Variants in SGMS1 observed in about 807,000 individuals in gnomAD.
The protein encoded by SGMS1 is sphingomyelin synthase 1, also known as phosphatidylcholine:ceramide cholinephosphotransferase 1.
In SGMS1, 13 loss-of-function variants were observed where a neutral mutation model predicts 46.2. The ratio of observed to expected loss-of-function variants is 0.28; its 90% confidence interval spans 0.18 to 0.45. The LOEUF (loss-of-function observed/expected upper bound fraction) is 0.45. Ranked by LOEUF, SGMS1 falls within the 20% of genes least tolerant of loss-of-function variation. SGMS1 has a pLI of 1.00. For synonymous variants in SGMS1, 203 were observed against 187.8 expected, an observed-to-expected ratio of 1.08 and a Z score of -0.66; for missense variants, 324 against 519.9, an observed-to-expected ratio of 0.62 and a Z score of 3.66.
At chr10:50,528,142 A>T (rs919624022) in intron 2 of SGMS1, among the ~76,000 whole-genome samples, 1 of 152,250 alleles carries the variant, frequency 6.6e-6, no homozygotes, top group Non-Finnish European at 1.5e-5. Context: ...AAAAGTATGC[A>T]ACTTACAGGA....
intron 2 of SGMS1, among the ~76,000 whole-genome samples, chr10:50,542,223 T>C (rs111687030): frequency 5.6e-4 from 86 of 152,268 alleles, no homozygotes; most frequent in Admixed American, 2.5e-3. Flanking sequence ...ATAAAATACA[T>C]GGAAACAAAA....
chr10:50,601,166 A>C (rs924031824), intron 1 of SGMS1, among the ~76,000 whole-genome samples: 36 of 152,172 alleles, frequency 2.4e-4, no homozygotes, highest in Non-Finnish European at 1.8e-4. Context: ...CTCGAGAATG[A>C]GCTAATAAAA....
intron 5 of SGMS1, among the ~76,000 whole-genome samples, chr10:50,440,173 C>T (rs1280080892): frequency 6.6e-6 from 1 of 151,804 alleles, no homozygotes; most frequent in African/African-American, 2.4e-5. Flanking sequence ...ATATTGCCCC[C>T]AAGGTAGCAA....
intron 6 of SGMS1, among the ~76,000 whole-genome samples, chr10:50,390,023 A>T (rs1426050566): frequency 6.6e-6 from 1 of 152,160 alleles, no homozygotes; most frequent in Non-Finnish European, 1.5e-5. Context: ...CATAATACCC[A>T]TTACTCCTGA....
chr10:50,341,839 G>C (rs997771953), intron 7 of SGMS1, among the ~76,000 whole-genome samples: 8 of 152,178 alleles, frequency 5.3e-5, no homozygotes, highest in Admixed American at 6.5e-5. Flanking sequence ...AAAATTTCCT[G>C]TTGGGAAAAT....
intron 6 of SGMS1, among the ~76,000 whole-genome samples, chr10:50,424,215 C>T (rs145969896): frequency 1.7e-4 from 26 of 152,284 alleles, no homozygotes; most frequent in African/African-American, 6.0e-4. Context: ...ATACCTAAAA[C>T]GTGAAGGAAC....
At chr10:50,531,743 A>G (rs775389076) in intron 2 of SGMS1, among the ~76,000 whole-genome samples, 1 of 152,152 alleles carries the variant, frequency 6.6e-6, no homozygotes. Flanking sequence ...CACTGCCTGA[A>G]TGTGTGCTTG....
intron 3 of SGMS1, among the ~76,000 whole-genome samples, chr10:50,495,238 CA>C (rs35409405): frequency 4.9e-3 from 369 of 75,888 alleles, no homozygotes; most frequent in African/African-American, 0.014. Flanking sequence ...GATTCCGTCT[CA>C]AAAAAAAAAA....
chr10:50,576,577 A>G (rs1003788308), intron 2 of SGMS1, among the ~76,000 whole-genome samples: 1 of 152,218 alleles, frequency 6.6e-6, no homozygotes, highest in Non-Finnish European at 1.5e-5. Flanking sequence ...AATTTTTCCC[A>G]TAGAAAAGCT....
chr10:50,433,139 G>A (rs1849426592), intron 6 of SGMS1, among the ~76,000 whole-genome samples: 1 of 152,082 alleles, frequency 6.6e-6, no homozygotes, highest in Non-Finnish European at 1.5e-5. Context: ...GAAACCACTA[G>A]GACCAAAAAT....
At chr10:50,571,532 C>T (rs1177961568) in intron 2 of SGMS1, among the ~76,000 whole-genome samples, 1 of 152,012 alleles carries the variant, frequency 6.6e-6, no homozygotes, top group African/African-American at 2.4e-5. Flanking sequence ...CACATAGTGT[C>T]CAGCACATCA....
intron 2 of SGMS1, among the ~76,000 whole-genome samples, chr10:50,565,601 C>T (rs951975847): frequency 6.6e-6 from 1 of 152,194 alleles, no homozygotes; most frequent in Non-Finnish European, 1.5e-5. Flanking sequence ...AACATATACG[C>T]TCTGAACCCT....
chr10:50,323,250 T>A (rs1309895195), intron 8 of SGMS1, among the ~76,000 whole-genome samples: 1 of 152,140 alleles, frequency 6.6e-6, no homozygotes. Flanking sequence ...TCTTAGGAGC[T>A]GCACATTTTG....
intron 2 of SGMS1, among the ~76,000 whole-genome samples, chr10:50,579,005 CAG>C (rs1423471528): frequency 5.9e-5 from 9 of 151,576 alleles, no homozygotes; most frequent in Admixed American, 3.9e-4. Flanking sequence ...AAGACAGAAA[CAG>C]AGGAAAAAAG....
chr10:50,314,312 C>A (rs900455182), intron 8 of SGMS1, among the ~76,000 whole-genome samples: 6 of 152,046 alleles, frequency 3.9e-5, no homozygotes, highest in African/African-American at 9.7e-5. Flanking sequence ...TGGGGGGAAG[C>A]AGTGGCTGTC....
intron 1 of SGMS1, among the ~76,000 whole-genome samples, chr10:50,601,191 C>G (rs1183511328): frequency 6.6e-6 from 1 of 152,122 alleles, no homozygotes. Flanking sequence ...GTAAAATGAA[C>G]TTGCTTGGTG....
intron 3 of SGMS1, among the ~76,000 whole-genome samples, chr10:50,478,574 A>G (rs1837449008): frequency 1.3e-5 from 2 of 152,186 alleles, no homozygotes; most frequent in African/African-American, 4.8e-5. Flanking sequence ...TGTACCATCC[A>G]TTTTTGTAAA....
At chr10:50,412,223 G>A (rs1235476922) in intron 6 of SGMS1, among the ~76,000 whole-genome samples, 1 of 152,142 alleles carries the variant, frequency 6.6e-6, no homozygotes, top group African/African-American at 2.4e-5. Flanking sequence ...ACAATTCAAT[G>A]CAATAGGGAC....
chr10:50,421,706 T>C (rs1185753008), intron 6 of SGMS1, among the ~76,000 whole-genome samples: 3 of 152,202 alleles, frequency 2.0e-5, no homozygotes, highest in Non-Finnish European at 4.4e-5. Flanking sequence ...TCTTTATCTC[T>C]GCCTGTGCTC....
Sources: allele counts gnomAD v4.1 joint callset (sites outside exome capture counted in the v4.1 genomes callset), GRCh38; gene constraint gnomAD v4.1.1; transcripts MANE v1.5; gene names NCBI Gene and HGNC (gene_info 2026-07-23, HGNC 2026-07-21).